The following CDH13 variants were observed in gnomAD, a reference collection of about 807,000 sequenced individuals.
CDH13 encodes cadherin-13.
In CDH13, 24 loss-of-function variants were observed where a neutral mutation model predicts 63.8. That is an observed-to-expected ratio of 0.38 (90% CI 0.27 to 0.53). The LOEUF is 0.53. Among genes scored for constraint, CDH13 ranks in the 20% least tolerant of loss-of-function variants. The pLI, the probability that CDH13 is intolerant of heterozygous loss-of-function variation, is 0.85. For synonymous variants in CDH13, 503 were observed against 355.3 expected, an observed-to-expected ratio of 1.42 and a Z score of -4.67; for missense variants, 1,049 against 903.1, an observed-to-expected ratio of 1.16 and a Z score of -2.07.
At chr16:83,314,921 C>T (rs1270682871) in intron 5 of CDH13, among the ~76,000 whole-genome samples, 1 of 152,190 alleles carries the variant, frequency 6.6e-6, no homozygotes. Flanking sequence ...GCCTTCCTGT[C>T]TTCAGCCTCT....
intron 10 of CDH13, among the ~76,000 whole-genome samples, chr16:83,713,725 C>T (rs949666464): frequency 7.2e-5 from 11 of 152,084 alleles, no homozygotes. Flanking sequence ...AGAACTCGAT[C>T]TGAGGGTTTG....
intron 7 of CDH13, among the ~76,000 whole-genome samples, chr16:83,540,169 A>G (rs1272021210): frequency 6.7e-6 from 1 of 149,590 alleles, no homozygotes; most frequent in East Asian, 2.0e-4. Flanking sequence ...GGTTGAAGCC[A>G]CTCTCCTGCT....
rs146301875 is a variant in CDH13 at position 82,695,582 on chromosome 16, A to G, written c.45+68445A>G. Among the ~76,000 whole-genome samples the G allele has an allele frequency of 4.3e-3, 662 of 152,200 alleles. 11 individuals carry two copies. Among genetic ancestry groups the G allele is most frequent in the Admixed American group, 0.032 (492 of 15,282 alleles). On this transcript the variant is annotated intron_variant, in intron 1 of 13. Transcript: ENST00000567109. The stretch of plus-strand genomic sequence containing the variant: ...TTGGAGTTAAGAACCATCTCATGGC[A>G]TTGTTGGGTTAGGTATTCTCTGGGT...
chr16:82,826,366 G>C (rs1353611226), intron 1 of CDH13: 1 of 152,172 alleles, frequency 6.6e-6, no homozygotes, highest in East Asian at 1.9e-4. Context: ...ATAATGAGTA[G>C]GGATGAGTGC....
At chr16:82,738,792 T>C (rs749484913) in intron 1 of CDH13, among the ~76,000 whole-genome samples, 3 of 152,222 alleles carry the variant, frequency 2.0e-5, no homozygotes, top group Non-Finnish European at 4.4e-5. Context: ...CATATAACCT[T>C]GGTGGTTCCT....
chr16:83,771,743 G>A (rs1335084781), intron 11 of CDH13, among the ~76,000 whole-genome samples: 2 of 152,216 alleles, frequency 1.3e-5, no homozygotes, highest in African/African-American at 2.4e-5. Flanking sequence ...CTGAAAATGG[G>A]TCGGAAGGAA....
intron 8 of CDH13, chr16:83,655,116 G>T (rs998934994): frequency 1.4e-4 from 21 of 152,246 alleles, no homozygotes; most frequent in African/African-American, 4.6e-4. Context: ...GATTCCTGTT[G>T]TTGAACACAC....
chr16:83,353,886 T>C (rs767791405), intron 6 of CDH13, among the ~76,000 whole-genome samples: 1 of 152,256 alleles, frequency 6.6e-6, no homozygotes, highest in Non-Finnish European at 1.5e-5. Context: ...ATTTTTTGGA[T>C]ATGATATTTT....
intron 2 of CDH13, among the ~76,000 whole-genome samples, chr16:83,021,287 A>C (rs753569964): frequency 6.6e-6 from 1 of 152,186 alleles, no homozygotes; most frequent in Non-Finnish European, 1.5e-5. Flanking sequence ...TTGAGTATGT[A>C]CTGTGTCAAG....
chr16:83,298,700 C>T (rs909881903), intron 5 of CDH13, among the ~76,000 whole-genome samples: 6 of 152,154 alleles, frequency 3.9e-5, no homozygotes, highest in South Asian at 2.1e-4. Context: ...AACCACTGGA[C>T]TTGGAAAGGC....
At chr16:82,839,433 G>A (rs947676743) in intron 1 of CDH13, among the ~76,000 whole-genome samples, 2 of 152,126 alleles carry the variant, frequency 1.3e-5, no homozygotes, top group Admixed American at 1.3e-4. Context: ...TTTCCTGCTG[G>A]GATTAAGATA....
At chr16:82,884,322 G>A in intron 2 of CDH13, 1 of 416,370 alleles carries the variant, frequency 2.4e-6, no homozygotes, top group South Asian at 1.7e-5. Context: ...GAGGCAACCT[G>A]GGGAGGGGGT....
chr16:82,829,105 G>A (rs1053348812), intron 1 of CDH13, among the ~76,000 whole-genome samples: 1 of 152,168 alleles, frequency 6.6e-6, no homozygotes, highest in Non-Finnish European at 1.5e-5. Flanking sequence ...ACTGGTTGGA[G>A]TGGGGTGGGA....
Position 83,047,429 on chromosome 16 carries a change from T to G in CDH13, c.366+15211T>G, listed in dbSNP as rs1459461444. 1.3e-5 allele frequency among the ~76,000 whole-genome samples: 2 copies of G among 152,186 alleles called. No individual in the cohort carries two copies. The highest frequency in any genetic ancestry group is 1.5e-5 in the Non-Finnish European group (1 of 68,044). On this transcript the variant is annotated intron_variant, in intron 3 of 13. Transcript: ENST00000567109. The surrounding 1 kb of genome is among the most constrained non-coding windows in gnomAD (Gnocchi z 4.9). The stretch of plus-strand genomic sequence containing the variant: ...GCCCTTGTTAACAAAGCCTAGTCTG[T>G]AAGAGCGTGACCACCAGTCTTATTT...
At chr16:83,140,057 C>G (rs544101742) in intron 4 of CDH13, among the ~76,000 whole-genome samples, 3 of 152,118 alleles carry the variant, frequency 2.0e-5, no homozygotes, top group Non-Finnish European at 4.4e-5. Flanking sequence ...TGTAGACATC[C>G]GAGGGTTTTA....
chr16:83,433,916 C>G (rs778644610), intron 6 of CDH13, among the ~76,000 whole-genome samples: 1 of 152,046 alleles, frequency 6.6e-6, no homozygotes, highest in African/African-American at 2.4e-5. Context: ...TGCTTAGTGG[C>G]TCGTTGGAAA....
chr16:83,074,537 G>A (rs957584073), intron 3 of CDH13, among the ~76,000 whole-genome samples: 4 of 152,086 alleles, frequency 2.6e-5, no homozygotes, highest in Non-Finnish European at 4.4e-5. Flanking sequence ...TGGATCATAC[G>A]GTAGTTCTAT....
chr16:82,882,926 G>A (rs951510524), intron 2 of CDH13, among the ~76,000 whole-genome samples: 1 of 152,132 alleles, frequency 6.6e-6, no homozygotes, highest in East Asian at 1.9e-4. Context: ...GCATGTATAA[G>A]CCTACCCCTT....
In CDH13 at chr16:83,077,186, C is replaced by CTTT. The variant is rs34536219; in HGVS notation, c.366+44990_366+44992dup. Among the ~76,000 whole-genome samples the CTTT allele has an allele frequency of 5.3e-3, 316 of 59,210 alleles. 15 individuals are homozygous for CTTT. Among genetic ancestry groups the CTTT allele is most frequent in the East Asian group, 0.012 (21 of 1,684 alleles). 38.8% of individuals were successfully genotyped at this position (59,210 alleles called of 152,430 possible). ...TCTTTTCTTTTCTTTTTTTTCTTTT[C>CTTT]TTTTTTTTTTTTTTTTTTTTTTTTG... On this transcript the variant is annotated intron_variant, in intron 3 of 13. Transcript: ENST00000567109.
Sources: gnomAD v4.1 joint callset for allele counts (sites outside exome capture counted in the v4.1 genomes callset) on GRCh38, gnomAD v4.1.1 for gene constraint, Gnocchi (gnomAD v3.1) non-coding constraint, MANE v1.5 for transcripts, NCBI Gene and HGNC (gene_info 2026-07-23, HGNC 2026-07-21) for gene names.